PDE10A: variants seen among roughly 807,000 people sequenced by gnomAD.
The protein encoded by PDE10A is cAMP and cAMP-inhibited cGMP 3',5'-cyclic phosphodiesterase 10A.
In PDE10A, 39 loss-of-function variants were observed where a neutral mutation model predicts 97.7. The observed-to-expected ratio is 0.40, with a 90% confidence interval of 0.31 to 0.52. The LOEUF is 0.52. PDE10A is among the 20% of genes least tolerant of loss of function. PDE10A has a pLI of 0.56. For synonymous variants in PDE10A, 371 were observed against 376.8 expected, an observed-to-expected ratio of 0.98 and a Z score of 0.18; for missense variants, 731 against 1,047.8, an observed-to-expected ratio of 0.70 and a Z score of 4.17.
At chr6:165,493,142 T>C (rs1330894575) in intron 2 of PDE10A, among the ~76,000 whole-genome samples, 1 of 151,950 alleles carries the variant, frequency 6.6e-6, no homozygotes, top group African/African-American at 2.4e-5. Context: ...GGTGAAAGAC[T>C]GCTACACAGA....
intron 1 of PDE10A, among the ~76,000 whole-genome samples, chr6:165,937,813 A>G (rs1252379211): frequency 6.6e-6 from 1 of 152,222 alleles, no homozygotes; most frequent in Non-Finnish European, 1.5e-5. Context: ...TATAAACAGG[A>G]GACAATTAAG....
At chr6:165,378,287 C>G (rs1784734915) in intron 18 of PDE10A, among the ~76,000 whole-genome samples, 1 of 152,120 alleles carries the variant, frequency 6.6e-6, no homozygotes. Context: ...AGGAGATATA[C>G]AGAACACCTG....
At chr6:165,530,965 A>C (rs1782741966) in intron 2 of PDE10A, among the ~76,000 whole-genome samples, 1 of 152,186 alleles carries the variant, frequency 6.6e-6, no homozygotes, top group South Asian at 2.1e-4. Flanking sequence ...CTCAATCTTT[A>C]TACATGTCCC....
chr6:165,620,965 G>A (rs961471514), intron 1 of PDE10A, among the ~76,000 whole-genome samples: 1 of 150,244 alleles, frequency 6.7e-6, no homozygotes, highest in East Asian at 2.0e-4. Flanking sequence ...AGGTTGCGGT[G>A]AGCCGAGATC....
chr6:165,483,130 T>G (rs73786613), intron 2 of PDE10A, among the ~76,000 whole-genome samples: 4,113 of 152,334 alleles, frequency 0.027, 197 homozygotes, highest in African/African-American at 0.094. Context: ...GAGGGGCCAC[T>G]GGAGCTCAGC....
At position 165,480,653 on chromosome 6, in the gene PDE10A, T is replaced by C. The variant is rs558130939; in HGVS notation, c.1023+1662A>G. Among the ~76,000 whole-genome samples, 242 of 152,136 alleles carry C rather than the reference T, an allele frequency of 1.6e-3. 1 individual carries two copies. The highest frequency in any genetic ancestry group is 5.5e-3 in the African/African-American group (229 of 41,526). On this transcript the variant is annotated intron_variant, in intron 3 of 21. Transcript: ENST00000539869. ...AAACAAAACCAAAACAAAACAGAAC[T>C]GCCTGAGAGTGTAACCAGCACCTTT...
At chr6:165,978,702 G>A (rs1784919032) in intron 1 of PDE10A, among the ~76,000 whole-genome samples, 1 of 152,024 alleles carries the variant, frequency 6.6e-6, no homozygotes, top group Non-Finnish European at 1.5e-5. Context: ...ATTGGATCCT[G>A]GATTGAGAAA....
At chr6:165,861,163 A>G (rs1412032977) in intron 1 of PDE10A, among the ~76,000 whole-genome samples, 2 of 152,234 alleles carry the variant, frequency 1.3e-5, no homozygotes, top group African/African-American at 4.8e-5. Context: ...TGATGATGTC[A>G]AGAGTTCCTT....
intron 1 of PDE10A, among the ~76,000 whole-genome samples, chr6:165,713,483 C>T (rs769546074): frequency 6.6e-6 from 1 of 152,164 alleles, no homozygotes; most frequent in Non-Finnish European, 1.5e-5. Context: ...GCTTGCACTA[C>T]AGAGGATTAT....
intron 1 of PDE10A, among the ~76,000 whole-genome samples, chr6:165,953,312 C>T (rs1451170316): frequency 6.6e-6 from 1 of 152,060 alleles, no homozygotes; most frequent in African/African-American, 2.4e-5. Context: ...AAAATTTGGC[C>T]AGGCACAGTG....
intron 2 of PDE10A, among the ~76,000 whole-genome samples, chr6:165,499,196 G>A (rs1780724347): frequency 6.6e-6 from 1 of 152,202 alleles, no homozygotes; most frequent in African/African-American, 2.4e-5. Flanking sequence ...AGTAGCCGGG[G>A]AAGAGTCTGA....
At chr6:165,641,086 A>C (rs530205613) in intron 1 of PDE10A, among the ~76,000 whole-genome samples, 1 of 152,202 alleles carries the variant, frequency 6.6e-6, no homozygotes, top group Non-Finnish European at 1.5e-5. Context: ...GCTTCACCTG[A>C]CCACAGAAGA....
intron 2 of PDE10A, among the ~76,000 whole-genome samples, chr6:165,490,368 TAG>T (rs1369693489): frequency 6.6e-6 from 1 of 152,146 alleles, no homozygotes; most frequent in African/African-American, 2.4e-5. Flanking sequence ...AAAGGAAAGA[TAG>T]AGACTTTTTC....
At chr6:165,677,348 A>G (rs1459941561) in intron 1 of PDE10A, among the ~76,000 whole-genome samples, 1 of 152,126 alleles carries the variant, frequency 6.6e-6, no homozygotes, top group Admixed American at 6.5e-5. Context: ...GCTTTTCCAC[A>G]TGCCAGCACA....
intron 1 of PDE10A, among the ~76,000 whole-genome samples, chr6:165,709,831 A>G (rs1171147017): frequency 6.7e-6 from 1 of 149,580 alleles, no homozygotes; most frequent in African/African-American, 2.5e-5. Context: ...TTCACAGAAG[A>G]CTGAGTGGTC....
At chr6:165,529,969 G>A (rs1428219390) in intron 2 of PDE10A, among the ~76,000 whole-genome samples, 2 of 152,112 alleles carry the variant, frequency 1.3e-5, no homozygotes, top group Non-Finnish European at 2.9e-5. Flanking sequence ...TGCCAAAGGA[G>A]ATTAACATTT....
intron 1 of PDE10A, among the ~76,000 whole-genome samples, chr6:165,783,489 G>T (rs1565885): frequency 0.97 from 147,609 of 152,346 alleles, 71,579 homozygotes; most frequent in South Asian, 0.99. Context: ...AGGCCACTTC[G>T]TGAGATTGGG....
At chr6:165,733,027 G>T (rs111504599) in intron 1 of PDE10A, among the ~76,000 whole-genome samples, 6 of 152,290 alleles carry the variant, frequency 3.9e-5, no homozygotes, top group African/African-American at 1.4e-4. Context: ...ACTACCACCT[G>T]CCCCGAATTC....
intron 1 of PDE10A, among the ~76,000 whole-genome samples, chr6:165,688,955 T>C (rs1234284469): frequency 6.6e-6 from 1 of 152,200 alleles, no homozygotes; most frequent in Non-Finnish European, 1.5e-5. Flanking sequence ...TTTCAAGTCA[T>C]ATAAATTAAA....
Sources: gnomAD v4.1 joint callset for allele counts (sites outside exome capture counted in the v4.1 genomes callset) on GRCh38, gnomAD v4.1.1 for gene constraint, MANE v1.5 for transcripts, NCBI Gene and HGNC (gene_info 2026-07-23, HGNC 2026-07-21) for gene names.